Variants in THSD4 observed in about 807,000 individuals in gnomAD.
THSD4 encodes thrombospondin type-1 domain-containing protein 4.
Under a neutral mutation model 119.0 loss-of-function variants are expected in THSD4, and 69 were observed. The ratio of observed to expected loss-of-function variants is 0.58; its 90% confidence interval spans 0.48 to 0.71. The LOEUF (loss-of-function observed/expected upper bound fraction) is 0.71. Ranked by LOEUF, THSD4 falls within the 30% of genes least tolerant of loss-of-function variation. The pLI is 0.00. For synonymous variants in THSD4, 524 were observed against 540.4 expected, an observed-to-expected ratio of 0.97 and a Z score of 0.42; for missense variants, 1,393 against 1,391.1, an observed-to-expected ratio of 1.00 and a Z score of -0.02.
At chr15:71,225,798 C>T (rs932314379) in intron 4 of THSD4, among the ~76,000 whole-genome samples, 1 of 152,026 alleles carries the variant, frequency 6.6e-6, no homozygotes, top group Non-Finnish European at 1.5e-5. Flanking sequence ...GTCTTGGCCT[C>T]CCAGAGTGCT....
chr15:71,735,078 TTACACACACACACACACA>T (rs1293053573), intron 10 of THSD4, among the ~76,000 whole-genome samples: 1 of 151,406 alleles, frequency 6.6e-6, no homozygotes, highest in East Asian at 1.9e-4. Flanking sequence ...TGCTTGGGGG[TTACACACACACACACACA>T]GACACACACA....
intron 2 of THSD4, among the ~76,000 whole-genome samples, chr15:71,153,311 T>C (rs572209409): frequency 1.3e-5 from 2 of 152,218 alleles, no homozygotes; most frequent in Non-Finnish European, 2.9e-5. Flanking sequence ...TCCTTGTGCA[T>C]ACAGGTGGGA....
intron 6 of THSD4, among the ~76,000 whole-genome samples, chr15:71,398,489 C>A (rs1485649417): frequency 6.6e-6 from 1 of 152,044 alleles, no homozygotes; most frequent in African/African-American, 2.4e-5. Flanking sequence ...TGATGAAGGC[C>A]TGAGCTGGGA....
chr15:71,353,832 G>T (rs930774217), intron 6 of THSD4, among the ~76,000 whole-genome samples: 2 of 152,212 alleles, frequency 1.3e-5, no homozygotes, highest in South Asian at 4.1e-4. Flanking sequence ...TTTGCTGTTC[G>T]TGTGACCTCT....
At chr15:71,182,428 T>C (rs2043541047) in intron 3 of THSD4, among the ~76,000 whole-genome samples, 2 of 151,918 alleles carry the variant, frequency 1.3e-5, no homozygotes, top group Non-Finnish European at 2.9e-5. Context: ...TTTTGTGCGC[T>C]TCAACCATAA....
intron 6 of THSD4, among the ~76,000 whole-genome samples, chr15:71,308,103 C>T (rs147303701): frequency 1.4e-4 from 21 of 152,284 alleles, no homozygotes; most frequent in African/African-American, 5.1e-4. Flanking sequence ...CCAGCAAAAA[C>T]AGGCATTCAC....
intron 2 of THSD4, among the ~76,000 whole-genome samples, chr15:71,147,959 ACT>A (rs1396335487): frequency 8.0e-6 from 1 of 125,450 alleles, no homozygotes; most frequent in African/African-American, 3.2e-5. Flanking sequence ...ATAGAGCAAG[ACT>A]CTGTCTCAAA....
chr15:71,386,295 A>G (rs762198002), intron 6 of THSD4, among the ~76,000 whole-genome samples: 30 of 152,216 alleles, frequency 2.0e-4, no homozygotes, highest in Non-Finnish European at 3.7e-4. Flanking sequence ...CTAAGATAAT[A>G]GTTCAAAGGA....
At position 71,777,938 on chromosome 15, in the gene THSD4, T is replaced by TCACA. The variant is rs2053943456; in HGVS notation, c.*564_*565insCACA. The TCACA allele has an allele frequency of 6.4e-6, 1 of 155,358 alleles. No individual in the cohort carries two copies. Among genetic ancestry groups the TCACA allele is most frequent in the African/African-American group, 2.4e-5 (1 of 41,546 alleles). 9.6% of individuals were successfully genotyped at this position (155,358 alleles called of 1,614,324 possible). On this transcript the variant is annotated 3_prime_UTR_variant, in exon 18 of 18. Coordinates refer to ENST00000261862, the MANE Select transcript of THSD4 (RefSeq NM_024817.3). ...CAGATAGCTCACATGAATATTGTGC[T>TCACA]TTATTTAGCAGGTGTACTCACAGAT...
At chr15:71,757,101 ATG>A (rs1193525867) in intron 14 of THSD4, among the ~76,000 whole-genome samples, 1 of 152,122 alleles carries the variant, frequency 6.6e-6, no homozygotes, top group Non-Finnish European at 1.5e-5. Flanking sequence ...CCTGTCAGAA[ATG>A]TGTTTCTATG....
At chr15:71,727,009 G>T (rs1002014322) in intron 8 of THSD4, among the ~76,000 whole-genome samples, 1 of 151,528 alleles carries the variant, frequency 6.6e-6, no homozygotes. Context: ...GCCAAGGGTA[G>T]CTGAAGAAAT....
At chr15:71,632,716 T>A (rs992277292) in intron 7 of THSD4, among the ~76,000 whole-genome samples, 1 of 152,272 alleles carries the variant, frequency 6.6e-6, no homozygotes, top group Non-Finnish European at 1.5e-5. Context: ...TCCCAGCAAC[T>A]GCTGTAAGTG....
At chr15:71,201,716 T>A (rs2043804924) in intron 3 of THSD4, among the ~76,000 whole-genome samples, 1 of 152,194 alleles carries the variant, frequency 6.6e-6, no homozygotes, top group Non-Finnish European at 1.5e-5. Flanking sequence ...GGGTTTTTAA[T>A]GGGCTGTAAG....
At chr15:71,189,995 C>T (rs2043656270) in intron 3 of THSD4, among the ~76,000 whole-genome samples, 1 of 152,176 alleles carries the variant, frequency 6.6e-6, no homozygotes, top group African/African-American at 2.4e-5. Flanking sequence ...TCTGCATGCT[C>T]AGATGGTTTG....
At chr15:71,370,014 G>C (rs1279607865) in intron 6 of THSD4, among the ~76,000 whole-genome samples, 1 of 152,108 alleles carries the variant, frequency 6.6e-6, no homozygotes, top group Non-Finnish European at 1.5e-5. Flanking sequence ...TCTTGTGAGG[G>C]TGTATGTGTC....
rs566979066 is a variant in THSD4, at chr15:71,388,875, T to A, written c.1016-22812T>A. Among the ~76,000 whole-genome samples, 14 of 152,252 alleles carry A rather than the reference T, an allele frequency of 9.2e-5. No homozygotes were observed. The South Asian group carries it at 2.9e-3, about 32-fold the overall frequency. On this transcript the variant is annotated intron_variant, in intron 6 of 17. Transcript: ENST00000261862. ...AATTGTAGCTCCCATAATTCCCATG[T>A]GTTGTAGGAGGTGACCCGGTGGGAG...
chr15:71,479,756 G>T (rs1174157299), intron 7 of THSD4, among the ~76,000 whole-genome samples: 2 of 152,072 alleles, frequency 1.3e-5, no homozygotes, highest in African/African-American at 4.8e-5. Flanking sequence ...TCCTGTTGAA[G>T]GCCAGTGATA....
At chr15:71,621,052 C>T (rs532552807) in intron 7 of THSD4, among the ~76,000 whole-genome samples, 1 of 152,144 alleles carries the variant, frequency 6.6e-6, no homozygotes, top group African/African-American at 2.4e-5. Flanking sequence ...TTCATGATTT[C>T]TTTTCCTTTG....
At chr15:71,167,231 T>C (rs2043302144) in intron 3 of THSD4, 1 of 152,178 alleles carries the variant, frequency 6.6e-6, no homozygotes. Flanking sequence ...AAAACAGGAG[T>C]CAACATGTTT....
Sources: allele counts gnomAD v4.1 joint callset (sites outside exome capture counted in the v4.1 genomes callset), GRCh38; gene constraint gnomAD v4.1.1; transcripts MANE v1.5; gene names NCBI Gene and HGNC (gene_info 2026-07-23, HGNC 2026-07-21).